ZNF800: variants seen among roughly 807,000 people sequenced by gnomAD.
ZNF800 encodes the protein zinc finger protein 800.
In ZNF800, 13 loss-of-function variants were observed where a neutral mutation model predicts 59.5. That is an observed-to-expected ratio of 0.22 (90% CI 0.14 to 0.35). The LOEUF is 0.35. ZNF800 is among the 10% of genes least tolerant of loss of function. The pLI, the probability that ZNF800 is intolerant of heterozygous loss-of-function variation, is 1.00. For missense variants in ZNF800, 621 were observed against 783.7 expected (o/e 0.79, Z 2.48); for synonymous variants, 266 against 265.7 (o/e 1.00, Z -0.01).
chr7:127,357,965 A>G (rs1356915248), intron 1 of ZNF800, among the ~76,000 whole-genome samples: 1 of 152,024 alleles, frequency 6.6e-6, no homozygotes, highest in Non-Finnish European at 1.5e-5. Context: ...ATGTAGTAGT[A>G]TAATACATTG....
At chr7:127,343,906 GCTTAA>G (rs1168995908), downstream of ZNF800, among the ~76,000 whole-genome samples, 2 of 151,984 alleles carry the variant, frequency 1.3e-5, no homozygotes, top group African/African-American at 4.8e-5. Context: ...CCTAGAGTAT[GCTTAA>G]TATAATTGAA....
At position 127,377,223 on chromosome 7, in the gene ZNF800, T is replaced by C. The variant is rs1432980421; in HGVS notation, c.264A>G (p.Lys88=). Reference sequence around the variant, plus strand: ...GGAGACTTGGTGGGCAGTAGAATTTTTTATGGGTAATTAAATTTGGTAATC... The same window carrying C: ...GGAGACTTGGTGGGCAGTAGAATTTCTTATGGGTAATTAAATTTGGTAATC... The part of the protein sequence containing the change: ...FRGLPNLITH[K]KFYCPPSLQM... The change falls in exon 4 of 6, where the codon AAA becomes AAG. Residue 88 remains lysine, a synonymous_variant. Coordinates refer to ENST00000265827, the MANE Select transcript of ZNF800 (RefSeq NM_176814.5). This position sits in a 1 kb window ranked among gnomAD's most constrained non-coding sequence, Gnocchi z 4.7. 6.2e-7 allele frequency: 1 copy of C among 1,612,320 alleles called. No homozygotes were observed. Among genetic ancestry groups the C allele is most frequent in the East Asian group, 2.2e-5 (1 of 44,770 alleles).
rs1800595709 is a variant in ZNF800, at chr7:127,370,131, T to C, written c.*1683A>G. 6.6e-6 allele frequency: 1 copy of C among 152,158 alleles called. No homozygotes were observed. The highest frequency in any genetic ancestry group is 1.5e-5 in the Non-Finnish European group (1 of 68,002). 9.4% of individuals were successfully genotyped at this position (152,158 alleles called of 1,614,324 possible). ...ACCTACACATTTAGTTCCCTAAATA[T>C]ATTATACTATTAGTTATTAAAGTTA... is the stretch of plus-strand genomic sequence containing the variant. On this transcript the variant is annotated 3_prime_UTR_variant, in exon 6 of 6. Transcript: ENST00000265827.
downstream of ZNF800, among the ~76,000 whole-genome samples, chr7:127,367,111 C>T (rs979835142): frequency 6.6e-6 from 1 of 152,050 alleles, no homozygotes; most frequent in Non-Finnish European, 1.5e-5. Context: ...AGGGCAACAT[C>T]CAGACACTAG....
intron 2 of ZNF800, among the ~76,000 whole-genome samples, chr7:127,386,944 T>C (rs1424021507): frequency 2.0e-5 from 3 of 151,900 alleles, no homozygotes; most frequent in South Asian, 2.1e-4. Flanking sequence ...ATTTTATATA[T>C]GTATAAATGC....
downstream of ZNF800, among the ~76,000 whole-genome samples, chr7:127,365,211 A>G (rs1465699149): frequency 6.6e-6 from 1 of 152,138 alleles, no homozygotes; most frequent in African/African-American, 2.4e-5. Context: ...TGTCACTATT[A>G]CTTAGTAGCA....
At chr7:127,344,144 A>G (rs1375004656), downstream of ZNF800, among the ~76,000 whole-genome samples, 1 of 152,016 alleles carries the variant, frequency 6.6e-6, no homozygotes, top group Non-Finnish European at 1.5e-5. Context: ...AATTATACTT[A>G]AGAATGATTG....
intron 1 of ZNF800, chr7:127,361,290 C>T (rs757174619): frequency 2.0e-5 from 3 of 152,054 alleles, no homozygotes; most frequent in African/African-American, 7.2e-5. Context: ...AGAAAAATCA[C>T]TCTAAGGCCA....
At chr7:127,375,638 T>C (rs993568307) in intron 4 of ZNF800, among the ~76,000 whole-genome samples, 2 of 152,036 alleles carry the variant, frequency 1.3e-5, no homozygotes, top group Non-Finnish European at 2.9e-5. Context: ...TGACACAATT[T>C]TACTAAAACA....
chr7:127,374,292 A>C lies in ZNF800; in HGVS notation c.1044T>G (p.Ser348=), dbSNP rs1180589470. 6.2e-7 allele frequency: 1 copy of C among 1,613,432 alleles called. No homozygotes were observed. The highest frequency in any genetic ancestry group is 1.7e-5 in the Admixed American group (1 of 59,840). The change falls in exon 5 of 6, where the codon TCT becomes TCG. Residue 348 remains serine (S), a synonymous_variant. Coordinates refer to ENST00000265827, the MANE Select transcript of ZNF800 (RefSeq NM_176814.5). The part of the protein sequence containing the change: ...KKSFKTRKQK[S]SSKAEYNLTA... ...TTAAATTGTATTCAGCCTTTGAAGAAGACTTTTGTTTTCGAGTCTTAAAAG... is the reference window on the plus strand; with the variant it reads ...TTAAATTGTATTCAGCCTTTGAAGACGACTTTTGTTTTCGAGTCTTAAAAG...
In ZNF800 at chr7:127,374,565, C is replaced by T; in HGVS notation, c.771G>A (p.Met257Ile). ...TTTCAATGTACTTTTTTAGTTCTTC[C>T]ATCTTTTTCTTGTGTACTTTTCGAA... ...RHIRKVHKKKMEELKKYIETR... is the reference protein window; with the variant it reads ...RHIRKVHKKKIEELKKYIETR... The change falls in exon 5 of 6, where the codon ATG becomes ATA. Residue 257 changes from methionine to isoleucine, a missense_variant. Around this residue, in one of 7 missense-constraint regions of ZNF800, gnomAD observed 218 missense variants for 230.8 expected, o/e 0.94. Transcript: ENST00000265827. 1.9e-6 allele frequency: 3 copies of T among 1,614,032 alleles called. No homozygotes were observed. The highest frequency in any genetic ancestry group is 1.7e-6 in the Non-Finnish European group (2 of 1,179,976).
At chr7:127,350,165 T>C (rs923521562) in intron 1 of ZNF800, 5 of 152,202 alleles carry the variant, frequency 3.3e-5, no homozygotes, top group Admixed American at 6.5e-5. Flanking sequence ...GCCTCCACAA[T>C]AGCTAAATCG....
intron 1 of ZNF800, among the ~76,000 whole-genome samples, chr7:127,359,297 C>A (rs116469866): frequency 3.3e-5 from 5 of 152,194 alleles, no homozygotes; most frequent in African/African-American, 1.2e-4. Flanking sequence ...TGTCATGTAT[C>A]ATAGCCCCAG....
chr7:127,345,279 C>G (rs1800037132), downstream of ZNF800, among the ~76,000 whole-genome samples: 1 of 150,218 alleles, frequency 6.7e-6, no homozygotes. Context: ...TTTATACATT[C>G]TAGTATGGGA....
chr7:127,389,577 A>C (rs1395831831), intron 2 of ZNF800, among the ~76,000 whole-genome samples: 6 of 152,178 alleles, frequency 3.9e-5, no homozygotes, highest in Non-Finnish European at 8.8e-5. Flanking sequence ...GAAATATCCT[A>C]CCCACTCAGC....
At chr7:127,391,666 A>G in intron 1 of ZNF800, 51 bp from the exon 2 acceptor site, 1 of 944,588 alleles carries the variant, frequency 1.1e-6, no homozygotes, top group Admixed American at 1.9e-5. Context: ...CCTGGGGGGC[A>G]CTGGCTGCAT....
chr7:127,347,919 C>T (rs900135832), exon 2 of ZNF800: 2 of 149,112 alleles, frequency 1.3e-5, no homozygotes, highest in Non-Finnish European at 3.0e-5. Context: ...GCGGCGCCGC[C>T]GCGGAGCTTG....
At chr7:127,390,206 A>G (rs1167384244) in intron 2 of ZNF800, among the ~76,000 whole-genome samples, 1 of 152,216 alleles carries the variant, frequency 6.6e-6, no homozygotes, top group East Asian at 1.9e-4. Flanking sequence ...GGTCAGTGGA[A>G]CATGAGTTTA....
intron 1 of ZNF800, among the ~76,000 whole-genome samples, chr7:127,349,408 G>A (rs993112284): frequency 2.0e-5 from 3 of 152,090 alleles, no homozygotes; most frequent in African/African-American, 4.8e-5. Flanking sequence ...ACAGGAGAGG[G>A]GTTCCAGGAC....
Sources: gnomAD v4.1 joint callset for allele counts (sites outside exome capture counted in the v4.1 genomes callset) on GRCh38, gnomAD v4.1.1 for gene constraint, gnomAD v4.1.1 regional missense constraint, Gnocchi (gnomAD v3.1) non-coding constraint, MANE v1.5 for transcripts, NCBI Gene and HGNC (gene_info 2026-07-23, HGNC 2026-07-21) for gene names.